Variants in LRP6 observed in about 807,000 individuals in gnomAD.
LRP6 encodes the protein LDL receptor related protein 6.
Under a neutral mutation model 184.1 loss-of-function variants are expected in LRP6, and 43 were observed. The ratio of observed to expected loss-of-function variants is 0.23; its 90% confidence interval spans 0.18 to 0.30. The LOEUF (loss-of-function observed/expected upper bound fraction) is 0.30. Among genes scored for constraint, LRP6 ranks in the 10% least tolerant of loss-of-function variants. LRP6 has a pLI of 1.00. For synonymous variants in LRP6, 719 were observed against 684.9 expected (o/e 1.05, Z -0.78); for missense variants, 1,571 against 2,005.3 (o/e 0.78, Z 4.14).
chr12:12,166,822 G>C (rs1374860717), intron 7 of LRP6, among the ~76,000 whole-genome samples: 1 of 152,236 alleles, frequency 6.6e-6, no homozygotes, highest in Non-Finnish European at 1.5e-5. Context: ...ATGAGGCTGG[G>C]TATGGTGGCT....
chr12:12,179,623 C>G (rs1184327071), intron 7 of LRP6, among the ~76,000 whole-genome samples, 187 bp downstream of exon 7: 3 of 152,108 alleles, frequency 2.0e-5, no homozygotes, highest in African/African-American at 7.2e-5. Context: ...TCTCTCCATC[C>G]TAGGATTATG....
Position 12,178,638 on chromosome 12 carries a change from G to C in LRP6, c.1545+1172C>G, listed in dbSNP as rs566522026. Among the ~76,000 whole-genome samples the C allele has an allele frequency of 2.6e-3, 400 of 152,192 alleles. 5 individuals are homozygous for C. The highest frequency in any genetic ancestry group is 3.1e-3 in the Non-Finnish European group (213 of 67,992). On this transcript the variant is annotated intron_variant, in intron 7 of 22. Transcript: ENST00000261349. ...TCTGAAACATAAACTCATAACCTTTGTCTCATCAGCAATGCACTCCAACTG... is the reference window on the plus strand; with the variant it reads ...TCTGAAACATAAACTCATAACCTTTCTCTCATCAGCAATGCACTCCAACTG...
At chr12:12,219,422 A>T (rs552411070) in intron 2 of LRP6, among the ~76,000 whole-genome samples, 2 of 152,210 alleles carry the variant, frequency 1.3e-5, no homozygotes, top group South Asian at 4.1e-4. Flanking sequence ...CCAGGATGGT[A>T]TCGGTCTCTT....
intron 10 of LRP6, among the ~76,000 whole-genome samples, chr12:12,160,762 T>A (rs921200773): frequency 6.6e-6 from 1 of 152,244 alleles, no homozygotes; most frequent in Non-Finnish European, 1.5e-5. Context: ...TCAAGCCAGT[T>A]AGATGACAGA....
intron 2 of LRP6, among the ~76,000 whole-genome samples, chr12:12,233,138 G>A (rs1309427221): frequency 6.6e-6 from 1 of 152,180 alleles, no homozygotes. Context: ...TAACACAGGG[G>A]GATAAAAATA....
Position 12,184,128 on chromosome 12 carries a change from AC to A in LRP6, c.845-18del. On this transcript the variant is annotated intron_variant, in intron 4 of 22. Coordinates refer to ENST00000261349, the MANE Select transcript of LRP6 (RefSeq NM_002336.3). ...GATTTGTGGCTGTCAAATATAAATC[AC>A]ATTGATTAATATCAATGATTACTAA... is the stretch of plus-strand genomic sequence containing the variant. 1 of 1,609,530 alleles carries A rather than the reference AC, an allele frequency of 6.2e-7. No individual in the cohort carries two copies. Among genetic ancestry groups the A allele is most frequent in the Non-Finnish European group, 8.5e-7 (1 of 1,176,026 alleles).
rs143551140 is a variant in LRP6 at position 12,238,356 on chromosome 12, C to T, written c.449+5906G>A. ...GAGTTCCAAAGGAGACTAAGGAGAACGAAGGAAAATTAAGAAAAAAAAGGA... is the reference window on the plus strand; with the variant it reads ...GAGTTCCAAAGGAGACTAAGGAGAATGAAGGAAAATTAAGAAAAAAAAGGA... On this transcript the variant is annotated intron_variant, in intron 2 of 22. Transcript: ENST00000261349. Among the ~76,000 whole-genome samples, 356 of 149,960 alleles carry T rather than the reference C, an allele frequency of 2.4e-3. 1 individual carries two copies. The highest frequency in any genetic ancestry group is 8.4e-3 in the African/African-American group (342 of 40,810).
intron 3 of LRP6, among the ~76,000 whole-genome samples, chr12:12,201,302 G>T (rs1000337500): frequency 1.3e-5 from 2 of 152,114 alleles, no homozygotes; most frequent in African/African-American, 4.8e-5. Context: ...ACTCTGGCAG[G>T]TTCATTTCAG....
Position 12,203,422 on chromosome 12 carries a change from A to G in LRP6, c.450-22T>C, listed in dbSNP as rs772020076. On this transcript the variant is annotated intron_variant, in intron 2 of 22. Coordinates refer to ENST00000261349, the MANE Select transcript of LRP6 (RefSeq NM_002336.3). ...GAACCTAAAAATCATAAAAATAATT[A>G]AAGCCATGACAGAGCAGATATCAAT... The G allele has an allele frequency of 1.7e-5, 26 of 1,575,564 alleles. No homozygotes were observed. In the South Asian group the frequency reaches 2.8e-4, roughly 17 times the overall value.
chr12:12,162,269 C>T lies in LRP6; in HGVS notation c.2203G>A (p.Asp735Asn), dbSNP rs149258721. Residue 735 changes from aspartate (D) to asparagine (N), a missense_variant, in exon 10 of 23, where the codon GAT becomes AAT. Asp to Asn is a conservative substitution (Grantham distance 23). Around this residue, in one of 4 missense-constraint regions of LRP6, gnomAD observed 158 missense variants for 258.4 expected, o/e 0.61. Coordinates refer to ENST00000261349, the MANE Select transcript of LRP6 (RefSeq NM_002336.3). ...ACCAAAACTTGTCGGTGCTGCCCAT[C>T]CAACTTTGACACCTCAATTCGATTC... ...GTNRIEVSKL[D>N]GQHRQVLVWK... is the part of the protein sequence containing the mutation. 591 of 1,614,226 alleles carry T rather than the reference C, an allele frequency of 3.7e-4. No individual in the cohort carries two copies. Among genetic ancestry groups the T allele is most frequent in the Non-Finnish European group, 4.7e-4 (549 of 1,180,034 alleles).
At chr12:12,198,047 T>C (rs1411353431) in intron 3 of LRP6, among the ~76,000 whole-genome samples, 1 of 152,152 alleles carries the variant, frequency 6.6e-6, no homozygotes, top group East Asian at 1.9e-4. Flanking sequence ...GCCCCCTGAG[T>C]AGCTGGGATT....
chr12:12,265,089 T>C (rs1356986242), intron 1 of LRP6, among the ~76,000 whole-genome samples: 1 of 152,206 alleles, frequency 6.6e-6, no homozygotes, highest in East Asian at 1.9e-4. Context: ...ACCAATCAGC[T>C]GGTTCTCATA....
At chr12:12,181,539 T>C (rs1863345480) in intron 5 of LRP6, 100 bp from the exon 6 acceptor site, 4 of 734,536 alleles carry the variant, frequency 5.4e-6, no homozygotes, top group Non-Finnish European at 9.6e-6. Flanking sequence ...ATATAAAATA[T>C]ACATAAATTA....
intron 10 of LRP6, among the ~76,000 whole-genome samples, chr12:12,161,710 G>A (rs965843854): frequency 6.6e-6 from 1 of 152,138 alleles, no homozygotes; most frequent in Non-Finnish European, 1.5e-5. Flanking sequence ...ATTCTATCTT[G>A]TAATAACAAA....
rs531275809 is a variant in LRP6 at position 12,240,684 on chromosome 12, TA to T, written c.449+3577del. ...ATTGAATCATTAAAGTTTAACTTTA[TA>T]AAAAAAATCTAAAATGATTTGGAAT... On this transcript the variant is annotated intron_variant, in intron 2 of 22. Coordinates refer to ENST00000261349, the MANE Select transcript of LRP6 (RefSeq NM_002336.3). Among the ~76,000 whole-genome samples the T allele has an allele frequency of 1.3e-3, 204 of 152,138 alleles. 1 individual carries two copies. The highest frequency in any genetic ancestry group is 2.7e-3 in the South Asian group (13 of 4,822).
At chr12:12,255,006 T>C (rs1450666715) in intron 1 of LRP6, among the ~76,000 whole-genome samples, 2 of 152,204 alleles carry the variant, frequency 1.3e-5, no homozygotes, top group African/African-American at 2.4e-5. Flanking sequence ...TTAAAAGACC[T>C]ATTATATGAT....
chr12:12,131,902 T>A lies in LRP6; in HGVS notation c.3889A>T (p.Ser1297Cys). The A allele has an allele frequency of 6.2e-7, 1 of 1,614,252 alleles. No individual in the cohort carries two copies. The highest frequency in any genetic ancestry group is 8.5e-7 in the Non-Finnish European group (1 of 1,180,044). The change falls in exon 18 of 23, where the codon AGT becomes TGT. Residue 1297 changes from serine to cysteine, a missense_variant. Physicochemically the swap from Ser to Cys is moderately radical, Grantham distance 112. Transcript: ENST00000261349. ...AGGGCACCATCAATACACTGCCCAC[T>A]GGCACACTGGAACTGGGACTCTGAG... ...VCSESQFQCA[S>C]GQCIDGALRC...
At chr12:12,194,770 T>A (rs1863709773) in intron 3 of LRP6, among the ~76,000 whole-genome samples, 1 of 152,140 alleles carries the variant, frequency 6.6e-6, no homozygotes, top group South Asian at 2.1e-4. Context: ...TATAATGTTT[T>A]ACCTATTAAG....
At chr12:12,156,055 A>C (rs918244000) in intron 12 of LRP6, among the ~76,000 whole-genome samples, 11 of 152,178 alleles carry the variant, frequency 7.2e-5, no homozygotes, top group African/African-American at 2.4e-4. Context: ...TATAATAAAG[A>C]AGGAAGTGAC....
Sources: gnomAD v4.1 joint callset for allele counts (sites outside exome capture counted in the v4.1 genomes callset) on GRCh38, gnomAD v4.1.1 for gene constraint, gnomAD v4.1.1 regional missense constraint, MANE v1.5 for transcripts, NCBI Gene and HGNC (gene_info 2026-07-23, HGNC 2026-07-21) for gene names.